The following MGAT5B variants were observed in gnomAD, a reference collection of about 807,000 sequenced individuals.
The protein encoded by MGAT5B is N-acetylglucosaminyl-transferase Vb.
MGAT5B carries 54 observed loss-of-function variants against 95.1 expected under a neutral mutation model. The observed-to-expected ratio is 0.57, with a 90% confidence interval of 0.46 to 0.71. The LOEUF (loss-of-function observed/expected upper bound fraction) is 0.71. Ranked by LOEUF, MGAT5B falls within the 30% of genes least tolerant of loss-of-function variation. The pLI is 0.00. For synonymous variants in MGAT5B, 464 were observed against 451.0 expected (o/e 1.03, Z -0.36); for missense variants, 935 against 1,088.6 (o/e 0.86, Z 1.99).
At position 76,947,944 on chromosome 17, in the gene MGAT5B, C is replaced by G. The variant is rs959901293; in HGVS notation, c.2038C>G (p.Pro680Ala). ...GTGGGCTCGGAACACCAGCTTGGCT[C>G]CTGGGGCCTGGCCCCCCGCGCACGC... ...LEWARNTSLA[P>A]GAWPPAHALR... is the part of the protein sequence containing the mutation. The change falls in exon 17 of 18, where the codon CCT (proline) becomes GCT (alanine). Residue 680 changes from proline (P) to alanine (A), a missense_variant. Around this residue, in one of 4 missense-constraint regions of MGAT5B, gnomAD observed 440 missense variants for 523.6 expected, o/e 0.84. Transcript: ENST00000569840. 8 of 1,612,700 alleles carry G rather than the reference C, an allele frequency of 5.0e-6. No individual in the cohort carries two copies. The African/African-American group carries it at 1.1e-4, about 22-fold the overall frequency.
chr17:76,888,344 ACG>A (rs1967739021), intron 3 of MGAT5B, among the ~76,000 whole-genome samples: 1 of 151,992 alleles, frequency 6.6e-6, no homozygotes. Flanking sequence ...ACAGAGGCGG[ACG>A]CAGAGACATG....
intron 15 of MGAT5B, among the ~76,000 whole-genome samples, chr17:76,944,876 G>A (rs562760975): frequency 4.6e-5 from 7 of 152,250 alleles, no homozygotes; most frequent in Non-Finnish European, 1.0e-4. Context: ...TGATGAGGAA[G>A]AAAGGAGGTG....
chr17:76,874,746 T>G (rs1967125034), intron 2 of MGAT5B, among the ~76,000 whole-genome samples: 1 of 152,050 alleles, frequency 6.6e-6, no homozygotes. Flanking sequence ...CTGGGCAGGA[T>G]CAGACTCAGT....
At chr17:76,928,326 G>A (rs1261413020) in intron 10 of MGAT5B, among the ~76,000 whole-genome samples, 1 of 152,128 alleles carries the variant, frequency 6.6e-6, no homozygotes, top group African/African-American at 2.4e-5. Flanking sequence ...AGTGGAAATA[G>A]AGGCAGGGAG....
In MGAT5B at chr17:76,912,798, G is replaced by A. The variant is rs954748529; in HGVS notation, c.1025+6611G>A. On this transcript the variant is annotated intron_variant, in intron 8 of 17. Transcript: ENST00000569840. This position sits in a 1 kb window ranked among gnomAD's most constrained non-coding sequence, Gnocchi z 5.0. ...AGGTGATGTCAGCCAGTCCCCGCCC[G>A]CGCCCCGCCGTGTGCGGAGGGAAGA... Among the ~76,000 whole-genome samples the A allele has an allele frequency of 2.6e-5, 4 of 152,166 alleles. No individual in the cohort carries two copies. The highest frequency in any genetic ancestry group is 2.1e-4 in the South Asian group (1 of 4,832).
rs557629147 is a variant in MGAT5B, at chr17:76,888,027, A to G, written c.329+5729A>G. Among the ~76,000 whole-genome samples, 3 of 152,186 alleles carry G rather than the reference A, an allele frequency of 2.0e-5. No individual in the cohort carries two copies. In the South Asian group the frequency reaches 6.2e-4, roughly 32 times the overall value. Reference sequence around the variant, plus strand: ...CTGCTGGTTCTGCCACTGTCCCTGGAGCACAGTGATCTCAGAATTTGCTTC... The same window carrying G: ...CTGCTGGTTCTGCCACTGTCCCTGGGGCACAGTGATCTCAGAATTTGCTTC... On this transcript the variant is annotated intron_variant, in intron 3 of 17. Coordinates refer to ENST00000569840, the MANE Select transcript of MGAT5B (RefSeq NM_001199172.2).
chr17:76,884,834 C>T (rs926603427), intron 3 of MGAT5B, among the ~76,000 whole-genome samples: 13 of 152,210 alleles, frequency 8.5e-5, no homozygotes, highest in Admixed American at 3.9e-4. Flanking sequence ...GATCTCTTGA[C>T]CTCGTGATCC....
At chr17:76,894,491 GTCC>G (rs1967996281) in intron 3 of MGAT5B, among the ~76,000 whole-genome samples, 1 of 152,178 alleles carries the variant, frequency 6.6e-6, no homozygotes, top group South Asian at 2.1e-4. Context: ...GTTTTCTCGT[GTCC>G]TCCTAAAAGT....
At chr17:76,877,643 C>T (rs1164108323) in intron 2 of MGAT5B, among the ~76,000 whole-genome samples, 1 of 152,178 alleles carries the variant, frequency 6.6e-6, no homozygotes. Context: ...CTGCCCGGAG[C>T]CCAGAGCTCC....
Position 76,906,032 on chromosome 17 carries a change from C to A in MGAT5B, c.870C>A (p.Ile290=). ...QRDQKQILVH[I]GFLTEESGDV... ...CGCCCACCCAGATCCTGGTCCACATCGGCTTCCTGACGGAGGAGTCCGGGG... is the reference window on the plus strand; with the variant it reads ...CGCCCACCCAGATCCTGGTCCACATAGGCTTCCTGACGGAGGAGTCCGGGG... Residue 290 remains isoleucine, a synonymous_variant, in exon 8 of 18, where the codon ATC becomes ATA. Coordinates refer to ENST00000569840, the MANE Select transcript of MGAT5B (RefSeq NM_001199172.2). This position sits in a 1 kb window ranked among gnomAD's most constrained non-coding sequence, Gnocchi z 4.6. 1.2e-6 allele frequency: 2 copies of A among 1,604,642 alleles called. No homozygotes were observed. The highest frequency in any genetic ancestry group is 1.7e-6 in the Non-Finnish European group (2 of 1,175,912).
intron 3 of MGAT5B, among the ~76,000 whole-genome samples, chr17:76,900,330 G>A (rs932336308): frequency 6.6e-6 from 1 of 152,160 alleles, no homozygotes; most frequent in Admixed American, 6.5e-5. Context: ...ATTCAACTTT[G>A]TGCTCCAAAA....
In MGAT5B at chr17:76,917,879, C is replaced by A. The variant is rs370253615; in HGVS notation, c.1026-7087C>A. Among the ~76,000 whole-genome samples the A allele has an allele frequency of 9.8e-5, 15 of 152,314 alleles. No individual in the cohort carries two copies. The highest frequency in any genetic ancestry group is 3.4e-4 in the African/African-American group (14 of 41,574). ...AGGAGCTAAAGCCTGGATGAGAAAA[C>A]CTGGGTTCGGGCTCAGCATTTACAG... On this transcript the variant is annotated intron_variant, in intron 8 of 17. Coordinates refer to ENST00000569840, the MANE Select transcript of MGAT5B (RefSeq NM_001199172.2). This position sits in a 1 kb window ranked among gnomAD's most constrained non-coding sequence, Gnocchi z 6.1.
Position 76,879,091 on chromosome 17 carries a change from C to T in MGAT5B, c.182-3060C>T, listed in dbSNP as rs551984472. ...GGGCCTCTGCAGCTCTAGGCCAGCC[C>T]TCATAGTTTTTGGCCCATCATCTGT... is the stretch of plus-strand genomic sequence containing the variant. On this transcript the variant is annotated intron_variant, in intron 2 of 17. Coordinates refer to ENST00000569840, the MANE Select transcript of MGAT5B (RefSeq NM_001199172.2). Among the ~76,000 whole-genome samples, 5 of 152,326 alleles carry T rather than the reference C, an allele frequency of 3.3e-5. No homozygotes were observed. The South Asian group carries it at 1.0e-3, about 32-fold the overall frequency.
chr17:76,902,850 G>C (rs1010201621), intron 4 of MGAT5B, among the ~76,000 whole-genome samples, 180 bp downstream of exon 4: 1 of 144,800 alleles, frequency 6.9e-6, no homozygotes, highest in East Asian at 2.0e-4. Flanking sequence ...TCACTCCCTC[G>C]ACCCGGCAGG....
intron 8 of MGAT5B, among the ~76,000 whole-genome samples, chr17:76,911,047 G>C (rs1567808981): frequency 6.6e-6 from 1 of 152,214 alleles, no homozygotes; most frequent in African/African-American, 2.4e-5. Flanking sequence ...TACATTCAGG[G>C]TGGGGGTTCT....
At chr17:76,923,911 G>A (rs1378632713) in intron 8 of MGAT5B, 2 of 152,184 alleles carry the variant, frequency 1.3e-5, no homozygotes, top group African/African-American at 2.4e-5. Context: ...GGATGGGAAC[G>A]TGGAAGGGCC....
At chr17:76,920,737 C>T (rs900014578) in intron 8 of MGAT5B, among the ~76,000 whole-genome samples, 2 of 152,154 alleles carry the variant, frequency 1.3e-5, no homozygotes, top group African/African-American at 4.8e-5. Context: ...CCGTGATGTC[C>T]TTTGAGCACG....
chr17:76,901,947 CGTGCAGATAGGGTCACAT>C (rs1349976014), intron 3 of MGAT5B, among the ~76,000 whole-genome samples: 7 of 152,262 alleles, frequency 4.6e-5, no homozygotes, highest in African/African-American at 1.7e-4. Context: ...ATGCCTGACA[CGTGCAGATAGGGTCACAT>C]GTGCAGATAT....
chr17:76,948,000 G>C lies in MGAT5B; in HGVS notation c.2094G>C (p.Arg698Ser). ...ALRAWLAVPG[R>S]ACTDTCLDHG... ...GGGCCTGGCTGGCCGTGCCTGGGAG[G>C]GCCTGCACCGACACCTGCCTGGACC... Residue 698 changes from arginine to serine, a missense_variant, in exon 17 of 18, where the codon AGG (arginine) becomes AGC (serine). Physicochemically the swap from Arg to Ser is moderately radical, Grantham distance 110 (BLOSUM62 -1). Around this residue, in one of 4 missense-constraint regions of MGAT5B, gnomAD observed 440 missense variants for 523.6 expected, o/e 0.84. Coordinates refer to ENST00000569840, the MANE Select transcript of MGAT5B (RefSeq NM_001199172.2). The C allele has an allele frequency of 1.2e-6, 2 of 1,612,620 alleles. No individual in the cohort carries two copies. Among genetic ancestry groups the C allele is most frequent in the Non-Finnish European group, 1.7e-6 (2 of 1,179,468 alleles).
Sources: allele counts gnomAD v4.1 joint callset (sites outside exome capture counted in the v4.1 genomes callset), GRCh38; gene constraint gnomAD v4.1.1; regional missense constraint gnomAD v4.1.1; non-coding constraint Gnocchi (gnomAD v3.1); transcripts MANE v1.5; gene names NCBI Gene and HGNC (gene_info 2026-07-23, HGNC 2026-07-21).